The following FCRL2 variants were observed in gnomAD, a reference collection of about 807,000 sequenced individuals.
FCRL2 encodes Fc receptor-like protein 2.
A neutral mutation model predicts 59.8 loss-of-function variants in FCRL2; 48 were observed. The ratio of observed to expected loss-of-function variants is 0.80; its 90% CI spans 0.64 to 1.02. The LOEUF (loss-of-function observed/expected upper bound fraction) is 1.02. Ranked by LOEUF, FCRL2 falls within the 50% of genes least tolerant of loss-of-function variation. The pLI, the probability that FCRL2 is intolerant of heterozygous loss-of-function variation, is 0.00. For synonymous variants in FCRL2, 251 were observed against 229.5 expected, an observed-to-expected ratio of 1.09 and a Z score of -0.85; for missense variants, 658 against 597.3, an observed-to-expected ratio of 1.10 and a Z score of -1.06.
intron 7 of FCRL2, among the ~76,000 whole-genome samples, chr1:157,751,110 A>G (rs985004579): frequency 2.6e-5 from 4 of 152,214 alleles, no homozygotes; most frequent in African/African-American, 9.6e-5. Context: ...CAATTTGTTC[A>G]AAAGAATCAA....
chr1:157,760,347 G>C (rs769198274), intron 7 of FCRL2, among the ~76,000 whole-genome samples: 1 of 151,998 alleles, frequency 6.6e-6, no homozygotes, highest in Non-Finnish European at 1.5e-5. Context: ...GGCCAGGCGT[G>C]GTGGCTCACT....
intron 7 of FCRL2, chr1:157,766,541 A>C (rs1191611748): frequency 2.5e-6 from 1 of 404,848 alleles, no homozygotes; most frequent in Non-Finnish European, 4.3e-6. Flanking sequence ...GTTGTACATA[A>C]GCTAATTATA....
chr1:157,749,028 C>T, intron 8 of FCRL2, 68 bp from the exon 9 acceptor site: 3 of 1,386,868 alleles, frequency 2.2e-6, no homozygotes, highest in Non-Finnish European at 3.1e-6. Context: ...GGGAGACTGG[C>T]TGAGGAGAGA....
intron 7 of FCRL2, among the ~76,000 whole-genome samples, chr1:157,765,583 C>T (rs1649430948): frequency 6.6e-6 from 1 of 152,236 alleles, no homozygotes; most frequent in Admixed American, 6.5e-5. Flanking sequence ...AACCTAACTT[C>T]TGAAATCACT....
At chr1:157,753,706 C>T (rs934249225) in intron 7 of FCRL2, among the ~76,000 whole-genome samples, 1 of 152,130 alleles carries the variant, frequency 6.6e-6, no homozygotes, top group African/African-American at 2.4e-5. Flanking sequence ...CCTCTCCTGT[C>T]CTCAGAGGTC....
chr1:157,757,923 C>T (rs1371623834), intron 7 of FCRL2, among the ~76,000 whole-genome samples: 1 of 152,224 alleles, frequency 6.6e-6, no homozygotes, highest in East Asian at 1.9e-4. Flanking sequence ...GATGGTGCCA[C>T]TGCGCTCTAG....
chr1:157,748,419 C>T, intron 10 of FCRL2, 134 bp downstream of exon 10: 1 of 360,882 alleles, frequency 2.8e-6, no homozygotes, highest in South Asian at 1.2e-4. Context: ...CAAGGCTCCT[C>T]AAAAGTAGAT....
intron 7 of FCRL2, among the ~76,000 whole-genome samples, chr1:157,762,039 C>T (rs952462980): frequency 6.6e-6 from 1 of 152,164 alleles, no homozygotes; most frequent in Non-Finnish European, 1.5e-5. Flanking sequence ...GATCAGGGAG[C>T]ATGAGGATAA....
chr1:157,761,296 A>G (rs1458082783), intron 7 of FCRL2, among the ~76,000 whole-genome samples: 1 of 152,146 alleles, frequency 6.6e-6, no homozygotes, highest in Non-Finnish European at 1.5e-5. Flanking sequence ...ACCCACTTAA[A>G]TTCCCCAAGG....
chr1:157,763,087 A>T (rs1649224617), intron 7 of FCRL2, among the ~76,000 whole-genome samples: 1 of 152,242 alleles, frequency 6.6e-6, no homozygotes, highest in African/African-American at 2.4e-5. Context: ...ATTCCCCAAG[A>T]TTGTTAGACG....
Position 157,770,137 on chromosome 1 carries a change from A to G in FCRL2, c.324T>C (p.Arg108=), listed in dbSNP as rs780705772. The G allele has an allele frequency of 6.2e-7, 1 of 1,613,658 alleles. No individual in the cohort carries two copies. Among genetic ancestry groups the G allele is most frequent in the African/African-American group, 1.3e-5 (1 of 74,920 alleles). The change falls in exon 4 of 12, where the codon CGT becomes CGC. Residue 108 remains arginine, a synonymous_variant. Coordinates refer to ENST00000361516, the MANE Select transcript of FCRL2 (RefSeq NM_030764.4). Reference sequence around the variant, plus strand: ...GGAAGGAGCTGGCAGTCAGCACAGGACGTTGAAAGAGCTCTAGAGAGAAGG... The same window carrying G: ...GGAAGGAGCTGGCAGTCAGCACAGGGCGTTGAAAGAGCTCTAGAGAGAAGG... ...VKIKVQELFQ[R]PVLTASSFQP...
Position 157,775,769 on chromosome 1 carries a change from A to G in FCRL2, c.52+6T>C. ...ACCAAGAACAACAAAGACAAGGAGG[A>G]CTCACCTGCCTGTTCAGTGACTGCA... On this transcript the variant is annotated splice_donor_region_variant and intron_variant, in intron 2 of 11. Transcript: ENST00000361516. 6.2e-7 allele frequency: 1 copy of G among 1,613,994 alleles called. No individual in the cohort carries two copies.
chr1:157,749,075 G>A, intron 8 of FCRL2, 115 bp from the exon 9 acceptor site: 1 of 839,612 alleles, frequency 1.2e-6, no homozygotes, highest in Non-Finnish European at 1.9e-6. Flanking sequence ...TCTCTGCTTG[G>A]GTGATTTTAT....
At position 157,746,903 on chromosome 1, in the gene FCRL2, T is replaced by A; in HGVS notation, c.1460-4A>T. 6.2e-7 allele frequency: 1 copy of A among 1,613,226 alleles called. No homozygotes were observed. The highest frequency in any genetic ancestry group is 1.3e-5 in the African/African-American group (1 of 75,064). ...TCCAGAAGTGTCCTGATGTTTGCTG[T>A]TAAGGAAAAAGTAATAGTTCTGAGC... On this transcript the variant is annotated splice_region_variant and splice_polypyrimidine_tract_variant and intron_variant, in intron 10 of 11. Transcript: ENST00000361516.
In FCRL2 at chr1:157,767,449, T is replaced by TC. The variant is rs760404790; in HGVS notation, c.943dup (p.Asp315GlyfsTer8). 2.0e-5 allele frequency: 33 copies of TC among 1,613,682 alleles called. No individual in the cohort carries two copies. In the South Asian group the frequency reaches 3.4e-4, roughly 17 times the overall value. The stretch of plus-strand genomic sequence containing the variant: ...GGCCTCACAGTGAAGCTCCAGCAGG[T>TC]CCCCCACTGCAGCCTGGGCCCCAGG... On this transcript the variant is annotated frameshift_variant, in exon 6 of 12. Coordinates refer to ENST00000361516, the MANE Select transcript of FCRL2 (RefSeq NM_030764.4). LOFTEE classifies it high-confidence loss of function.
At position 157,746,502 on chromosome 1, in the gene FCRL2, G is replaced by T. The variant is rs1315119174; in HGVS notation, c.*234C>A. ...ACTGATTGCTTAAGAGAAGGTAGCA[G>T]AAATAATTTATTTGCACAGTGTCTG... On this transcript the variant is annotated 3_prime_UTR_variant, in exon 12 of 12. Coordinates refer to ENST00000361516, the MANE Select transcript of FCRL2 (RefSeq NM_030764.4). The T allele has an allele frequency of 1.7e-6, 1 of 574,552 alleles. No individual in the cohort carries two copies. Among genetic ancestry groups the T allele is most frequent in the Admixed American group, 3.0e-5 (1 of 32,806 alleles). The allele number at this position is 574,552 out of a possible 1,614,324, so 35.6% of individuals were successfully genotyped here.
intron 5 of FCRL2, chr1:157,767,767 C>T: frequency 7.6e-7 from 1 of 1,320,386 alleles, no homozygotes; most frequent in South Asian, 2.0e-5. Flanking sequence ...GCCCATCCAG[C>T]CCTCTTCATA....
intron 6 of FCRL2, 121 bp downstream of exon 6, chr1:157,767,110 G>T: frequency 7.4e-7 from 1 of 1,360,342 alleles, no homozygotes; most frequent in South Asian, 1.4e-5. Context: ...TTAGTGTGGG[G>T]AGAAGAGAAG....
At chr1:157,774,754 T>G (rs548021936) in intron 2 of FCRL2, among the ~76,000 whole-genome samples, 1 of 152,292 alleles carries the variant, frequency 6.6e-6, no homozygotes, top group African/African-American at 2.4e-5. Context: ...CCAGACTTGC[T>G]CCTGAGCAAG....
Sources: allele counts gnomAD v4.1 joint callset (sites outside exome capture counted in the v4.1 genomes callset), GRCh38; gene constraint gnomAD v4.1.1; transcripts MANE v1.5; gene names NCBI Gene and HGNC (gene_info 2026-07-23, HGNC 2026-07-21).